Variants in RFTN1 observed in about 807,000 individuals in gnomAD.
RFTN1 encodes raftlin.
Under a neutral mutation model 46.5 loss-of-function variants are expected in RFTN1, and 26 were observed. The observed-to-expected ratio is 0.56, with a 90% CI of 0.41 to 0.78. The LOEUF is 0.78. RFTN1 is among the 30% of genes least tolerant of loss of function. RFTN1 has a pLI of 0.00. For synonymous variants in RFTN1, 261 were observed against 284.2 expected (o/e 0.92, Z 0.82); for missense variants, 693 against 718.7 (o/e 0.96, Z 0.41).
chr3:16,466,311 A>T lies in RFTN1; in HGVS notation c.145+27414T>A, dbSNP rs75034110. Among the ~76,000 whole-genome samples the T allele has an allele frequency of 1.0e-3, 153 of 152,366 alleles. No individual in the cohort carries two copies. The highest frequency in any genetic ancestry group is 3.4e-3 in the African/African-American group (141 of 41,582). ...TATTCAGGGATTTACGTGGGAAAAA[A>T]AGAAATCAGTGTTTTACTTTACTTT... On this transcript the variant is annotated intron_variant, in intron 2 of 9. Transcript: ENST00000334133. This position sits in a 1 kb window ranked among gnomAD's most constrained non-coding sequence, Gnocchi z 5.6.
intron 2 of RFTN1, 100 bp downstream of exon 2, chr3:16,493,625 A>T: frequency 1.8e-6 from 2 of 1,132,422 alleles, no homozygotes; most frequent in African/African-American, 1.6e-5. Flanking sequence ...ATTTCTTCAC[A>T]GCCCCCACCC....
intron 5 of RFTN1, among the ~76,000 whole-genome samples, chr3:16,373,259 C>T (rs1412812906): frequency 2.0e-5 from 3 of 152,182 alleles, no homozygotes; most frequent in African/African-American, 7.2e-5. Flanking sequence ...GGCAGAGCAC[C>T]CAAGGAGCAT....
intron 2 of RFTN1, among the ~76,000 whole-genome samples, 191 bp downstream of exon 2, chr3:16,493,534 C>A (rs1168254305): frequency 6.6e-6 from 1 of 152,144 alleles, no homozygotes; most frequent in Non-Finnish European, 1.5e-5. Flanking sequence ...TGCCCAGACA[C>A]TATTTTTTAA....
rs2076833443 is a variant in RFTN1 at position 16,507,774 on chromosome 3, CAT to C, written c.-9+5666_-9+5667del. On this transcript the variant is annotated intron_variant, in intron 1 of 9. Transcript: ENST00000334133. This position sits in a 1 kb window ranked among gnomAD's most constrained non-coding sequence, Gnocchi z 7.1. Reference sequence around the variant, plus strand: ...ACACTCACATACACACAAACACACACATACACTCACATACACACAAACACACA... The same window carrying C: ...ACACTCACATACACACAAACACACACACACTCACATACACACAAACACACA... Among the ~76,000 whole-genome samples, 1 of 151,518 alleles carries C rather than the reference CAT, an allele frequency of 6.6e-6. No homozygotes were observed. The highest frequency in any genetic ancestry group is 6.6e-5 in the Admixed American group (1 of 15,198).
intron 6 of RFTN1, among the ~76,000 whole-genome samples, chr3:16,366,674 A>T (rs2073196780): frequency 6.6e-6 from 1 of 152,204 alleles, no homozygotes; most frequent in Non-Finnish European, 1.5e-5. Context: ...CTTGACAATG[A>T]CATAATGTCT....
At chr3:16,358,114 G>C in intron 6 of RFTN1, 67 bp from the exon 7 acceptor site, 1 of 863,362 alleles carries the variant, frequency 1.2e-6, no homozygotes, top group Non-Finnish European at 2.0e-6. Context: ...AGTCTTCTAA[G>C]CAGCAAACAT....
chr3:16,357,441 CCT>C (rs1260607484), intron 7 of RFTN1, among the ~76,000 whole-genome samples: 3 of 152,196 alleles, frequency 2.0e-5, no homozygotes, highest in African/African-American at 4.8e-5. Context: ...AGGGACCTAA[CCT>C]CTCTGTGCCT....
chr3:16,361,021 G>C lies in RFTN1; in HGVS notation c.1031-2974C>G, dbSNP rs973219935. 6.6e-6 allele frequency among the ~76,000 whole-genome samples: 1 copy of C among 152,196 alleles called. No individual in the cohort carries two copies. Among genetic ancestry groups the C allele is most frequent in the Non-Finnish European group, 1.5e-5 (1 of 68,040 alleles). On this transcript the variant is annotated intron_variant, in intron 6 of 9. Coordinates refer to ENST00000334133, the MANE Select transcript of RFTN1 (RefSeq NM_015150.2). The surrounding 1 kb of genome is among the most constrained non-coding windows in gnomAD (Gnocchi z 4.3). ...AGTTTTCTTTTATATCCTTTTCTGTGAGGTTATTAACAAGTTAATACAGGT... is the reference window on the plus strand; with the variant it reads ...AGTTTTCTTTTATATCCTTTTCTGTCAGGTTATTAACAAGTTAATACAGGT...
At chr3:16,482,866 G>A (rs906217275) in intron 2 of RFTN1, 2 of 1,531,338 alleles carry the variant, frequency 1.3e-6, no homozygotes, top group Admixed American at 2.0e-5. Flanking sequence ...ACTGTACGAG[G>A]AGGAGCCTCC....
chr3:16,507,211 C>T lies in RFTN1; in HGVS notation c.-9+6231G>A, dbSNP rs996607219. Among the ~76,000 whole-genome samples, 2 of 152,054 alleles carry T rather than the reference C, an allele frequency of 1.3e-5. No homozygotes were observed. The highest frequency in any genetic ancestry group is 2.4e-5 in the African/African-American group (1 of 41,410). ...TAGAAAGAGCAGTATAAATATTAAC[C>T]GTTTTAGTACTCTACTGGGATTACT... On this transcript the variant is annotated intron_variant, in intron 1 of 9. Coordinates refer to ENST00000334133, the MANE Select transcript of RFTN1 (RefSeq NM_015150.2). The surrounding 1 kb of genome is among the most constrained non-coding windows in gnomAD (Gnocchi z 7.1).
chr3:16,409,350 A>G (rs780876061), intron 4 of RFTN1, 25 bp downstream of exon 4: 5 of 1,500,352 alleles, frequency 3.3e-6, no homozygotes, highest in South Asian at 2.3e-5. Flanking sequence ...AACCTCTTCA[A>G]TGGTACCCTG....
chr3:16,392,952 A>G (rs1420657575), intron 4 of RFTN1, among the ~76,000 whole-genome samples: 1 of 152,164 alleles, frequency 6.6e-6, no homozygotes, highest in Non-Finnish European at 1.5e-5. Flanking sequence ...ATCTGTTCCC[A>G]TACAATTCTG....
At chr3:16,493,480 G>C (rs897560976) in intron 2 of RFTN1, among the ~76,000 whole-genome samples, 1 of 152,052 alleles carries the variant, frequency 6.6e-6, no homozygotes, top group African/African-American at 2.4e-5. Context: ...TGATCCACCC[G>C]CCTCGGCCTC....
At position 16,457,456 on chromosome 3, in the gene RFTN1, T is replaced by G. The variant is rs1046318074; in HGVS notation, c.146-23419A>C. 5.9e-5 allele frequency among the ~76,000 whole-genome samples: 9 copies of G among 152,200 alleles called. No individual in the cohort carries two copies. The highest frequency in any genetic ancestry group is 1.2e-4 in the Non-Finnish European group (8 of 68,034). On this transcript the variant is annotated intron_variant, in intron 2 of 9. Coordinates refer to ENST00000334133, the MANE Select transcript of RFTN1 (RefSeq NM_015150.2). The surrounding 1 kb of genome is among the most constrained non-coding windows in gnomAD (Gnocchi z 4.2). ...TTACATTTCTAGAACATAGTAGTAC[T>G]CAATAAATGCCGGTTATCATTATAC... is the stretch of plus-strand genomic sequence containing the variant.
At chr3:16,354,265 T>C (rs913929820) in intron 7 of RFTN1, among the ~76,000 whole-genome samples, 3 of 152,208 alleles carry the variant, frequency 2.0e-5, no homozygotes, top group African/African-American at 4.8e-5. Context: ...TCTTTCACCC[T>C]GCAGGAGGTG....
chr3:16,323,860 C>A (rs1204310784), intron 8 of RFTN1, among the ~76,000 whole-genome samples: 2 of 152,184 alleles, frequency 1.3e-5, no homozygotes, highest in African/African-American at 2.4e-5. Flanking sequence ...CCTCCAGCTG[C>A]TACAGGACAG....
At position 16,504,494 on chromosome 3, in the gene RFTN1, T is replaced by C. The variant is rs576149640; in HGVS notation, c.-9+8948A>G. On this transcript the variant is annotated intron_variant, in intron 1 of 9. Transcript: ENST00000334133. This position sits in a 1 kb window ranked among gnomAD's most constrained non-coding sequence, Gnocchi z 4.4. ...AAGTGCCTCAAGCTAGTAGTTAGCG[T>C]GGTATCTGACAGATGTTAAGTATTG... is the stretch of plus-strand genomic sequence containing the variant. 6.6e-6 allele frequency among the ~76,000 whole-genome samples: 1 copy of C among 152,362 alleles called. No homozygotes were observed. The highest frequency in any genetic ancestry group is 2.1e-4 in the South Asian group (1 of 4,830).
At chr3:16,371,910 G>A (rs918386266) in intron 5 of RFTN1, among the ~76,000 whole-genome samples, 1 of 152,158 alleles carries the variant, frequency 6.6e-6, no homozygotes, top group African/African-American at 2.4e-5. Flanking sequence ...CTTTAGAAAT[G>A]GAGCGACACA....
Position 16,425,113 on chromosome 3 carries a change from C to T in RFTN1, c.332+8738G>A, listed in dbSNP as rs892959822. Among the ~76,000 whole-genome samples the T allele has an allele frequency of 1.3e-5, 2 of 152,148 alleles. No homozygotes were observed. Among genetic ancestry groups the T allele is most frequent in the African/African-American group, 4.8e-5 (2 of 41,436 alleles). Reference sequence around the variant, plus strand: ...CAGACATATAAATAGAAAACTCCAACGCTTTAGTAAAATTATTTGCAACTA... The same window carrying T: ...CAGACATATAAATAGAAAACTCCAATGCTTTAGTAAAATTATTTGCAACTA... On this transcript the variant is annotated intron_variant, in intron 3 of 9. Transcript: ENST00000334133. This position sits in a 1 kb window ranked among gnomAD's most constrained non-coding sequence, Gnocchi z 4.3.
Sources: gnomAD v4.1 joint callset for allele counts (sites outside exome capture counted in the v4.1 genomes callset) on GRCh38, gnomAD v4.1.1 for gene constraint, Gnocchi (gnomAD v3.1) non-coding constraint, MANE v1.5 for transcripts, NCBI Gene and HGNC (gene_info 2026-07-23, HGNC 2026-07-21) for gene names.